The following QRICH2 variants were observed in gnomAD, a reference collection of about 807,000 sequenced individuals.
QRICH2 encodes the protein glutamine rich 2.
A neutral mutation model predicts 168.3 loss-of-function variants in QRICH2; 119 were observed. The ratio of observed to expected loss-of-function variants is 0.71; its 90% CI spans 0.61 to 0.82. The LOEUF is 0.82. QRICH2 is among the 40% of genes least tolerant of loss of function. The pLI, the probability that QRICH2 is intolerant of heterozygous loss-of-function variation, is 0.00. For missense variants in QRICH2, 2,241 were observed against 2,491.6 expected (o/e 0.90, Z 2.14); for synonymous variants, 894 against 951.2 (o/e 0.94, Z 1.11).
chr17:76,282,260 G>A, intron 7 of QRICH2, 145 bp from the exon 8 acceptor site: 1 of 962,482 alleles, frequency 1.0e-6, no homozygotes, highest in Non-Finnish European at 1.5e-6. Flanking sequence ...CCCAGAGCAT[G>A]TGCCATCATG....
chr17:76,278,057 G>C lies in QRICH2; in HGVS notation c.5049C>G (p.Thr1683=). Residue 1683 remains threonine (T), a synonymous_variant, in exon 15 of 19, where the codon ACC becomes ACG. Transcript: ENST00000680821. ...CGCGGATTATCTGGCTGCTGGCCTT[G>C]GTGGAGCCCCCGAAGTGGATCTGCA... ...EKVQIHFGGS[T]KASSQIIREL... The C allele has an allele frequency of 6.2e-7, 1 of 1,613,956 alleles. No individual in the cohort carries two copies. The highest frequency in any genetic ancestry group is 8.5e-7 in the Non-Finnish European group (1 of 1,180,038).
At chr17:76,304,743 C>A in intron 2 of QRICH2, 139 bp downstream of exon 2, 1 of 787,056 alleles carries the variant, frequency 1.3e-6, no homozygotes, top group African/African-American at 1.7e-5. Flanking sequence ...GCAGATTTCC[C>A]TCCAACCCTG....
Position 76,275,870 on chromosome 17 carries a change from G to A in QRICH2, c.5431C>T (p.Gln1811Ter). 6.2e-7 allele frequency: 1 copy of A among 1,608,514 alleles called. No individual in the cohort carries two copies. The highest frequency in any genetic ancestry group is 2.2e-5 in the East Asian group (1 of 44,864). Reference protein sequence around the residue: ...HRPPSLSSNGQLPSRPQSAQI... With the variant: ...HRPPSLSSNG ...GCGCTCTGTGGCCGAGAGGGCAGCTGGCCATTGCTGCTGAGGGATGGCGGC... is the reference window on the plus strand; with the variant it reads ...GCGCTCTGTGGCCGAGAGGGCAGCTAGCCATTGCTGCTGAGGGATGGCGGC... The change falls in exon 18 of 19, where the codon CAG (glutamine) becomes TAG (stop). Residue 1811 changes from glutamine to a stop codon, truncating the protein, a stop_gained. Transcript: ENST00000680821. LOFTEE classifies it high-confidence loss of function.
In QRICH2 at chr17:76,281,770, A is replaced by C. The variant is rs2070791345; in HGVS notation, c.4263+94T>G. 12 of 1,515,016 alleles carry C rather than the reference A, an allele frequency of 7.9e-6. No homozygotes were observed. Among genetic ancestry groups the C allele is most frequent in the Non-Finnish European group, 9.9e-6 (11 of 1,112,550 alleles). The allele number at this position is 1,515,016 out of a possible 1,614,324, so 93.8% of individuals were successfully genotyped here. ...ACGGAGAGCTGACCTTGAGGCCCAAACACCCGCCCCACTTCTGTGGGTCTG... is the reference window on the plus strand; with the variant it reads ...ACGGAGAGCTGACCTTGAGGCCCAACCACCCGCCCCACTTCTGTGGGTCTG... On this transcript the variant is annotated intron_variant, in intron 8 of 18. Transcript: ENST00000680821. This position sits in a 1 kb window ranked among gnomAD's most constrained non-coding sequence, Gnocchi z 4.4.
Position 76,291,477 on chromosome 17 carries a change from C to G in QRICH2, c.3250G>C (p.Gly1084Arg). ...DQQHVASPGP[G>R]EHDQVYPDAA... ...TCTGGGTATACCTGGTCATGCTCAC[C>G]TGGGCCAGGTGATGCCACATGCTGT... Residue 1084 changes from glycine (G) to arginine (R), a missense_variant, in exon 4 of 19, where the codon GGT becomes CGT. This residue lies in a region of QRICH2 where 2,047 missense variants were observed against 2,303.8 expected (regional missense o/e 0.89). Transcript: ENST00000680821. 1 of 1,614,136 alleles carries G rather than the reference C, an allele frequency of 6.2e-7. No individual in the cohort carries two copies. Among genetic ancestry groups the G allele is most frequent in the Non-Finnish European group, 8.5e-7 (1 of 1,180,036 alleles).
Position 76,307,551 on chromosome 17 carries a change from C to T in QRICH2, c.448G>A (p.Glu150Lys), listed in dbSNP as rs750016792. 6.3e-7 allele frequency: 1 copy of T among 1,591,108 alleles called. No homozygotes were observed. Among genetic ancestry groups the T allele is most frequent in the South Asian group, 1.1e-5 (1 of 87,540 alleles). ...AACGCCCGCACGCCCACCTCCTGCT[C>T]CTCCGGCCACTCTAGCGCGGCCAGG... The part of the protein sequence containing the change: ...LDLAALEWPE[E>K]QEVGVRAFDR... Residue 150 changes from glutamate to lysine, a missense_variant, in exon 1 of 19, where the codon GAG becomes AAG. Coordinates refer to ENST00000680821, the MANE Select transcript of QRICH2 (RefSeq NM_001388453.1). This position sits in a 1 kb window ranked among gnomAD's most constrained non-coding sequence, Gnocchi z 5.3.
rs981365462 is a variant in QRICH2, at chr17:76,291,652, G to A, written c.3075C>T (p.Leu1025=). The A allele has an allele frequency of 6.2e-7, 1 of 1,614,168 alleles. No individual in the cohort carries two copies. Among genetic ancestry groups the A allele is most frequent in the Non-Finnish European group, 8.5e-7 (1 of 1,180,022 alleles). ...GTGATGCCAAACCTTGACTGGCTAG[G>A]AGTGGTGACACCTGGCCGTATTGTT... ...GREQYGQVSP[L]LASQGLASPG... is the part of the protein sequence containing the mutation. Residue 1025 remains leucine (L), a synonymous_variant, in exon 4 of 19, where the codon CTC becomes CTT. Transcript: ENST00000680821.
In QRICH2 at chr17:76,280,607, C is replaced by CG; in HGVS notation, c.4461+46dup. The stretch of plus-strand genomic sequence containing the variant: ...ACTCAGTCTCTCAAAGAACAGTCAG[C>CG]GAGACCGCCCTGGGACACAGCGTGG... On this transcript the variant is annotated intron_variant, in intron 10 of 18. Transcript: ENST00000680821. This position sits in a 1 kb window ranked among gnomAD's most constrained non-coding sequence, Gnocchi z 7.4. 6.2e-7 allele frequency: 1 copy of CG among 1,609,050 alleles called. No homozygotes were observed. Among genetic ancestry groups the CG allele is most frequent in the Non-Finnish European group, 8.5e-7 (1 of 1,175,712 alleles).
At position 76,280,080 on chromosome 17, in the gene QRICH2, C is replaced by T. The variant is rs1473666074; in HGVS notation, c.4701G>A (p.Arg1567=). The T allele has an allele frequency of 3.7e-6, 6 of 1,613,684 alleles. No homozygotes were observed. The South Asian group carries it at 6.6e-5, about 18-fold the overall frequency. Residue 1567 remains arginine (R), a synonymous_variant, in exon 12 of 19, where the codon AGG becomes AGA. Coordinates refer to ENST00000680821, the MANE Select transcript of QRICH2 (RefSeq NM_001388453.1). The surrounding 1 kb of genome is among the most constrained non-coding windows in gnomAD (Gnocchi z 7.4). ...DRWKSLRQQL[R]ERPPLYQADE... is the part of the protein sequence containing the mutation. ...CTGCCTGGTAGAGTGGGGGGCGCTC[C>T]CTGAGCTGCTGTCGCAGCGATTTCC...
Position 76,292,512 on chromosome 17 carries a change from C to T in QRICH2, c.2215G>A (p.Gly739Ser). 1 of 1,569,606 alleles carries T rather than the reference C, an allele frequency of 6.4e-7. No homozygotes were observed. The highest frequency in any genetic ancestry group is 8.7e-7 in the Non-Finnish European group (1 of 1,151,384). The part of the protein sequence containing the change: ...GLVQPGVDQR[G>S]LAQPRADHQR... ...TGATCTGCACGAGGTTGTGCCAAAC[C>T]ACGCTGATCTACTCCAGGTTGGACC... Residue 739 changes from glycine to serine, a missense_variant, in exon 4 of 19, where the codon GGT becomes AGT. Gly to Ser is a moderately conservative substitution (Grantham distance 56). Around this residue, in one of 3 missense-constraint regions of QRICH2, gnomAD observed 2,047 missense variants for 2,303.8 expected, o/e 0.89. Coordinates refer to ENST00000680821, the MANE Select transcript of QRICH2 (RefSeq NM_001388453.1).
intron 3 of QRICH2, among the ~76,000 whole-genome samples, chr17:76,294,835 T>C (rs2070770697): frequency 6.8e-6 from 1 of 146,460 alleles, no homozygotes; most frequent in Non-Finnish European, 1.5e-5. Context: ...AAAAGTGTAA[T>C]TTTTCTTCAT....
Position 76,308,058 on chromosome 17 carries a change from G to T in QRICH2, c.-60C>A. 8.1e-7 allele frequency: 1 copy of T among 1,230,210 alleles called. No homozygotes were observed. Among genetic ancestry groups the T allele is most frequent in the Non-Finnish European group, 1.0e-6 (1 of 986,936 alleles). 76.2% of individuals were successfully genotyped at this position (1,230,210 alleles called of 1,614,324 possible). A position where few individuals can be genotyped will look rare whatever the true frequency, so the allele number is the denominator to read the frequency against. ...GCCGGCCAACCACTTCCCGCTCACT[G>T]CACGCCGCGCCTTGGGGCCTTTCGG... On this transcript the variant is annotated 5_prime_UTR_variant, in exon 1 of 19. Coordinates refer to ENST00000680821, the MANE Select transcript of QRICH2 (RefSeq NM_001388453.1).
Position 76,307,964 on chromosome 17 carries a change from A to C in QRICH2, c.35T>G (p.Leu12Arg). 8.1e-7 allele frequency: 1 copy of C among 1,234,312 alleles called. No homozygotes were observed. Among genetic ancestry groups the C allele is most frequent in the Non-Finnish European group, 1.0e-6 (1 of 989,102 alleles). The allele number at this position is 1,234,312 out of a possible 1,614,324, so 76.5% of individuals were successfully genotyped here. ...PPATTVSLRE[L>R]ADLSIGTPEV... ...TGGCGTGCCGATGGAGAGGTCCGCC[A>C]GCTCCCGGAGGGAGACCGTGGTCGC... Residue 12 changes from leucine (L) to arginine (R), a missense_variant, in exon 1 of 19, where the codon CTG becomes CGG. This residue lies in a region of QRICH2 where 2,047 missense variants were observed against 2,303.8 expected (regional missense o/e 0.89). Transcript: ENST00000680821. This position sits in a 1 kb window ranked among gnomAD's most constrained non-coding sequence, Gnocchi z 5.3.
chr17:76,305,954 T>C (rs1468690582), intron 1 of QRICH2, among the ~76,000 whole-genome samples: 1 of 151,500 alleles, frequency 6.6e-6, no homozygotes. Context: ...AGGATCACTT[T>C]AGGTCAGGAG....
intron 7 of QRICH2, among the ~76,000 whole-genome samples, chr17:76,285,989 A>G (rs36029382): frequency 0.061 from 9,214 of 151,668 alleles, 372 homozygotes; most frequent in Non-Finnish European, 0.09. Flanking sequence ...TGGCTAACAC[A>G]GTGAAACCCC....
intron 18 of QRICH2, among the ~76,000 whole-genome samples, chr17:76,275,431 G>A (rs1211947849): frequency 6.6e-6 from 1 of 152,200 alleles, no homozygotes; most frequent in Non-Finnish European, 1.5e-5. Flanking sequence ...GGCAGAGAGA[G>A]GTTCCTCCAT....
In QRICH2 at chr17:76,293,564, T is replaced by G; in HGVS notation, c.1163A>C (p.Asp388Ala). ...ASQSQVHLRPDRRGLEPTGMN... is the reference protein window; with the variant it reads ...ASQSQVHLRPARRGLEPTGMN... ...GCCAGTTGGTTCTAACCCACGACGA[T>G]CTGGCCTTAGATGGACCTGACTCTG... The change falls in exon 4 of 19, where the codon GAT (aspartate) becomes GCT (alanine). Residue 388 changes from aspartate (D) to alanine (A), a missense_variant. Coordinates refer to ENST00000680821, the MANE Select transcript of QRICH2 (RefSeq NM_001388453.1). The G allele has an allele frequency of 6.2e-7, 1 of 1,614,172 alleles. No homozygotes were observed. Among genetic ancestry groups the G allele is most frequent in the Non-Finnish European group, 8.5e-7 (1 of 1,180,024 alleles).
intron 14 of QRICH2, 131 bp from the exon 15 acceptor site, chr17:76,278,320 T>A: frequency 2.4e-6 from 2 of 822,570 alleles, no homozygotes; most frequent in South Asian, 3.2e-5. Context: ...CTGGGCAGCT[T>A]GACCCCTCAG....
Position 76,274,163 on chromosome 17 carries a change from CCT to C in QRICH2, c.5578_5579del (p.Arg1860GlyfsTer?), listed in dbSNP as rs113539943. On this transcript the variant is annotated frameshift_variant, in exon 19 of 19. Coordinates refer to ENST00000680821, the MANE Select transcript of QRICH2 (RefSeq NM_001388453.1). LOFTEE classifies it low-confidence loss of function (END_TRUNC). ...HPPSSAAVAN[R>X]GLERHVDMPP... The stretch of plus-strand genomic sequence containing the variant: ...GCATGTCCACGTGCCTCTCCAGCCC[CCT>C]GTTTGCCACCGCGGCGGAGCTGGGC... The C allele has an allele frequency of 7.1e-4, 1,126 of 1,582,704 alleles. 3 individuals are homozygous for C. The highest frequency in any genetic ancestry group is 6.6e-3 in the African/African-American group (478 of 72,528).
Sources: allele counts gnomAD v4.1 joint callset (sites outside exome capture counted in the v4.1 genomes callset), GRCh38; gene constraint gnomAD v4.1.1; regional missense constraint gnomAD v4.1.1; non-coding constraint Gnocchi (gnomAD v3.1); transcripts MANE v1.5; gene names NCBI Gene and HGNC (gene_info 2026-07-23, HGNC 2026-07-21).